Variants in AGGF1 observed in about 807,000 individuals in gnomAD.
The protein encoded by AGGF1 is angiogenic factor with G-patch and FHA domains 1, also known as angiogenic factor with G patch and FHA domains 1.
AGGF1 carries 56 observed loss-of-function variants against 86.5 expected under a neutral mutation model. The ratio of observed to expected loss-of-function variants is 0.65; its 90% CI spans 0.52 to 0.81. AGGF1 has a LOEUF of 0.81. Ranked by LOEUF, AGGF1 falls within the 30% of genes least tolerant of loss-of-function variation. AGGF1 has a pLI of 0.00. For missense variants in AGGF1, 816 were observed against 850.9 expected (o/e 0.96, Z 0.51); for synonymous variants, 313 against 297.1 (o/e 1.05, Z -0.55).
At chr5:77,040,844 G>C (rs548080756) in intron 5 of AGGF1, among the ~76,000 whole-genome samples, 1 of 152,134 alleles carries the variant, frequency 6.6e-6, no homozygotes, top group East Asian at 1.9e-4. Context: ...CTTCTGTCCT[G>C]TCCTGTTCTG....
chr5:77,040,236 G>A (rs548754301), intron 5 of AGGF1, among the ~76,000 whole-genome samples: 21 of 151,716 alleles, frequency 1.4e-4, no homozygotes, highest in African/African-American at 5.1e-4. Context: ...AGCCTCCCGA[G>A]TAGCTGGGAT....
intron 13 of AGGF1, among the ~76,000 whole-genome samples, chr5:77,062,438 G>A (rs1272724480): frequency 6.6e-6 from 1 of 152,142 alleles, no homozygotes; most frequent in Non-Finnish European, 1.5e-5. Flanking sequence ...ACCTAGGTTA[G>A]AATATGTGCT....
chr5:77,036,463 A>G (rs1287744418), intron 3 of AGGF1, 93 bp from the exon 4 acceptor site: 3 of 1,267,818 alleles, frequency 2.4e-6, no homozygotes, highest in Non-Finnish European at 3.4e-6. Context: ...TGAAGTCGTT[A>G]CTTAAACATA....
At chr5:77,052,952 T>C (rs1747400900) in intron 9 of AGGF1, 145 bp downstream of exon 9, 5 of 719,284 alleles carry the variant, frequency 7.0e-6, no homozygotes, top group Admixed American at 2.3e-5. Flanking sequence ...CCAGAAAGGC[T>C]GAAAAAAGTG....
chr5:77,061,867 T>C (rs1747569923), intron 13 of AGGF1, 65 bp downstream of exon 13: 2 of 1,443,080 alleles, frequency 1.4e-6, no homozygotes, highest in Non-Finnish European at 1.9e-6. Flanking sequence ...TACATTAATG[T>C]GCCAAACGTT....
chr5:77,036,317 T>A (rs1467209344), intron 3 of AGGF1, among the ~76,000 whole-genome samples: 2 of 152,240 alleles, frequency 1.3e-5, no homozygotes, highest in Non-Finnish European at 2.9e-5. Context: ...GCATCATACA[T>A]TTATTCTCGA....
chr5:77,042,285 C>G (rs1236536248), intron 5 of AGGF1, among the ~76,000 whole-genome samples: 283 of 145,758 alleles, frequency 1.9e-3, no homozygotes, highest in African/African-American at 7.0e-3. Flanking sequence ...TTCCACAAAG[C>G]CGCCATTGTC....
intron 5 of AGGF1, among the ~76,000 whole-genome samples, chr5:77,040,248 A>G (rs1266160191): frequency 1.3e-5 from 2 of 151,830 alleles, no homozygotes; most frequent in Non-Finnish European, 2.9e-5. Flanking sequence ...AGCTGGGATT[A>G]CAGGCATGCA....
chr5:77,041,566 C>CAAAAAA (rs1232718165), intron 5 of AGGF1, among the ~76,000 whole-genome samples: 1 of 70,390 alleles, frequency 1.4e-5, no homozygotes, highest in East Asian at 4.0e-4. Context: ...GACTCCATCT[C>CAAAAAA]AAAAAAAAAA....
At chr5:77,041,566 CAAAA>C (rs1232718165) in intron 5 of AGGF1, among the ~76,000 whole-genome samples, 2 of 70,406 alleles carry the variant, frequency 2.8e-5, no homozygotes, top group Non-Finnish European at 5.2e-5. Context: ...GACTCCATCT[CAAAA>C]AAAAAAAAAA....
chr5:77,050,090 G>T (rs1747343219), intron 8 of AGGF1, among the ~76,000 whole-genome samples: 1 of 151,688 alleles, frequency 6.6e-6, no homozygotes, highest in South Asian at 2.1e-4. Context: ...ACTTTCTGGG[G>T]ACTCATTCAG....
In AGGF1 at chr5:77,030,425, G is replaced by T. The variant is rs1016016833; in HGVS notation, c.-342G>T. On this transcript the variant is annotated 5_prime_UTR_variant, in exon 1 of 14. Coordinates refer to ENST00000312916, the MANE Select transcript of AGGF1 (RefSeq NM_018046.5). ...TGGCGCCGTTGTTTCCGGCTCAACTGGGGAGCTGCTGGAGCTCTTCTGGCC... is the reference window on the plus strand; with the variant it reads ...TGGCGCCGTTGTTTCCGGCTCAACTTGGGAGCTGCTGGAGCTCTTCTGGCC... The T allele has an allele frequency of 3.9e-6, 2 of 515,710 alleles. No individual in the cohort carries two copies. The highest frequency in any genetic ancestry group is 1.9e-5 in the African/African-American group (1 of 52,264). 31.9% of individuals were successfully genotyped at this position (515,710 alleles called of 1,614,324 possible). A position where few individuals can be genotyped will look rare whatever the true frequency, so the allele number is the denominator to read the frequency against.
At position 77,046,337 on chromosome 5, in the gene AGGF1, C is replaced by T. The variant is rs370509960; in HGVS notation, c.871-10C>T. ...CCCCTGTTCCCTCGTATCTACCCACCCTTCTCCAGGATTTGAACTCAGAGG... is the reference window on the plus strand; with the variant it reads ...CCCCTGTTCCCTCGTATCTACCCACTCTTCTCCAGGATTTGAACTCAGAGG... On this transcript the variant is annotated splice_polypyrimidine_tract_variant and intron_variant, in intron 5 of 13. Transcript: ENST00000312916. 1.9e-6 allele frequency: 3 copies of T among 1,608,332 alleles called. No homozygotes were observed. The highest frequency in any genetic ancestry group is 4.5e-5 in the East Asian group (2 of 44,838).
At position 77,048,291 on chromosome 5, in the gene AGGF1, T is replaced by G. The variant is rs1461947716; in HGVS notation, c.1313+19T>G. 1 of 1,496,524 alleles carries G rather than the reference T, an allele frequency of 6.7e-7. No homozygotes were observed. The allele number at this position is 1,496,524 out of a possible 1,614,324, so 92.7% of individuals were successfully genotyped here. On this transcript the variant is annotated intron_variant, in intron 7 of 13. Transcript: ENST00000312916. ...TTGGAAGGTAAAATGGTTAATATTATTATATCATTCTTTCAGTTATTTCAG... is the reference window on the plus strand; with the variant it reads ...TTGGAAGGTAAAATGGTTAATATTAGTATATCATTCTTTCAGTTATTTCAG...
At chr5:77,047,968 G>C (rs1221622435) in intron 6 of AGGF1, among the ~76,000 whole-genome samples, 193 bp from the exon 7 acceptor site, 1 of 152,046 alleles carries the variant, frequency 6.6e-6, no homozygotes, top group East Asian at 1.9e-4. Flanking sequence ...ACCTTTATGT[G>C]GATCACTTTA....
Position 77,048,213 on chromosome 5 carries a change from T to C in AGGF1, c.1254T>C (p.Pro418=). 2 of 1,613,884 alleles carry C rather than the reference T, an allele frequency of 1.2e-6. No homozygotes were observed. The highest frequency in any genetic ancestry group is 1.7e-6 in the Non-Finnish European group (2 of 1,179,832). Residue 418 remains proline, a synonymous_variant, in exon 7 of 14, where the codon CCT becomes CCC. Transcript: ENST00000312916. ...TTAGAGTAATTGTCATTAGATCACC[T>C]GTGTTGCAGATAGGATCACTCTTTA... is the stretch of plus-strand genomic sequence containing the variant. ...PCIRVIVIRS[P]VLQIGSLFII...
intron 5 of AGGF1, among the ~76,000 whole-genome samples, chr5:77,042,386 GC>G (rs1178474107): frequency 7.1e-6 from 1 of 141,364 alleles, no homozygotes; most frequent in Non-Finnish European, 1.6e-5. Context: ...AGTAGGGGCG[GC>G]CGGGCAGAGG....
In AGGF1 at chr5:77,042,855, G is replaced by A. The variant is rs1323165013; in HGVS notation, c.870+3136G>A. Among the ~76,000 whole-genome samples, 26 of 61,310 alleles carry A rather than the reference G, an allele frequency of 4.2e-4. 3 individuals are homozygous for A. Among genetic ancestry groups the A allele is most frequent in the Admixed American group, 1.1e-3 (7 of 6,592 alleles). 40.2% of individuals were successfully genotyped at this position (61,310 alleles called of 152,430 possible). A position where few individuals can be genotyped will look rare whatever the true frequency, so the allele number is the denominator to read the frequency against. On this transcript the variant is annotated intron_variant, in intron 5 of 13. Transcript: ENST00000312916. Reference sequence around the variant, plus strand: ...CCCGGGCGGGGCGGCTGGCCGGGCGGGGGGCCGACACCCCCACCTCCCTCC... The same window carrying A: ...CCCGGGCGGGGCGGCTGGCCGGGCGAGGGGCCGACACCCCCACCTCCCTCC...
chr5:77,035,831 C>T (rs1177422535), intron 3 of AGGF1, 88 bp downstream of exon 3: 1 of 1,142,756 alleles, frequency 8.8e-7, no homozygotes, highest in Non-Finnish European at 1.3e-6. Flanking sequence ...CTTCTTTGGT[C>T]CGTCACAGCA....
Sources: allele counts gnomAD v4.1 joint callset (sites outside exome capture counted in the v4.1 genomes callset), GRCh38; gene constraint gnomAD v4.1.1; transcripts MANE v1.5; gene names NCBI Gene and HGNC (gene_info 2026-07-23, HGNC 2026-07-21).